Variants in CRYBG1 observed in about 807,000 individuals in gnomAD.
The protein encoded by CRYBG1 is crystallin beta-gamma domain containing 1.
Under a neutral mutation model 189.2 loss-of-function variants are expected in CRYBG1, and 139 were observed. That is an observed-to-expected ratio of 0.73 (90% CI 0.64 to 0.85). The LOEUF (loss-of-function observed/expected upper bound fraction) is 0.85. Ranked by LOEUF, CRYBG1 falls within the 40% of genes least tolerant of loss-of-function variation. CRYBG1 has a pLI of 0.00. For missense variants in CRYBG1, 2,611 were observed against 2,675.8 expected, an observed-to-expected ratio of 0.98 and a Z score of 0.53; for synonymous variants, 1,023 against 1,017.1, an observed-to-expected ratio of 1.01 and a Z score of -0.11.
chr6:106,556,007 T>C, intron 17 of CRYBG1, 110 bp downstream of exon 17: 1 of 1,241,636 alleles, frequency 8.1e-7, no homozygotes, highest in Admixed American at 1.8e-5. Flanking sequence ...GTTAAGGGCT[T>C]GGAGATGGAA....
Position 106,567,645 on chromosome 6 carries a change from A to AG in CRYBG1, c.6302-825dup, listed in dbSNP as rs1774929559. Reference sequence around the variant, plus strand: ...TGGTGCTGAGGTTTATGCTAAAAAAAGGATAAGCCATCTGAAGGGATCTTT... The same window carrying AG: ...TGGTGCTGAGGTTTATGCTAAAAAAAGGGATAAGCCATCTGAAGGGATCTTT... On this transcript the variant is annotated intron_variant, in intron 21 of 21. Transcript: ENST00000633556. Among the ~76,000 whole-genome samples the AG allele has an allele frequency of 2.6e-5, 4 of 152,208 alleles. No homozygotes were observed. In the South Asian group the frequency reaches 8.3e-4, roughly 32 times the overall value.
chr6:106,389,174 T>A (rs925442586), intron 1 of CRYBG1, among the ~76,000 whole-genome samples: 4 of 152,186 alleles, frequency 2.6e-5, no homozygotes, highest in Non-Finnish European at 4.4e-5. Context: ...AAAAATTGCT[T>A]TTTGTTATAT....
intron 2 of CRYBG1, among the ~76,000 whole-genome samples, chr6:106,455,433 A>G (rs1335125742): frequency 6.6e-6 from 1 of 151,768 alleles, no homozygotes; most frequent in African/African-American, 2.4e-5. Context: ...TGATTCCACT[A>G]TGAGGAGGTA....
intron 1 of CRYBG1, among the ~76,000 whole-genome samples, chr6:106,378,828 CT>C (rs1485913427): frequency 6.6e-6 from 1 of 152,042 alleles, no homozygotes; most frequent in East Asian, 1.9e-4. Flanking sequence ...TTCTTCTTCC[CT>C]TTTTTTAAAA....
At chr6:106,406,392 C>T (rs11152981) in intron 1 of CRYBG1, among the ~76,000 whole-genome samples, 12,308 of 152,160 alleles carry the variant, frequency 0.081, 640 homozygotes, top group East Asian at 0.15. Context: ...AAAGACCATA[C>T]GTACATTTGA....
intron 3 of CRYBG1, among the ~76,000 whole-genome samples, chr6:106,517,006 CTTTTTTTTTTTT>C (rs5878896): frequency 9.4e-6 from 1 of 106,666 alleles, no homozygotes; most frequent in Non-Finnish European, 1.9e-5. Context: ...ATGGTTTAGA[CTTTTTTTTTTTT>C]TTTTTTTTTG....
chr6:106,483,271 T>G (rs1037408491), intron 2 of CRYBG1, among the ~76,000 whole-genome samples: 1 of 151,680 alleles, frequency 6.6e-6, no homozygotes, highest in Non-Finnish European at 1.5e-5. Context: ...CTTGGCTTAT[T>G]TCACTTAATA....
Position 106,521,048 on chromosome 6 carries a change from GTCTT to G in CRYBG1, c.3841_3844del (p.Ser1281GlnfsTer15). 1 of 1,614,164 alleles carries G rather than the reference GTCTT, an allele frequency of 6.2e-7. No homozygotes were observed. Among genetic ancestry groups the G allele is most frequent in the Non-Finnish European group, 8.5e-7 (1 of 1,180,038 alleles). ...CTTCTCAGAACGGTTCCCTATCTCA[GTCTT>G]CAGTGTCACAGCCCACGACTGAGGG... On this transcript the variant is annotated frameshift_variant, in exon 4 of 22. Transcript: ENST00000633556. LOFTEE classifies it high-confidence loss of function.
rs781743713 is a variant in CRYBG1, at chr6:106,530,234, G to A, written c.4637G>A (p.Ser1546Asn). The A allele has an allele frequency of 6.2e-6, 10 of 1,613,458 alleles. No individual in the cohort carries two copies. In the Admixed American group the frequency reaches 1.0e-4, roughly 16 times the overall value. ...GAACCAGAAGGGTTAGGAATCCTAA[G>A]TTCCTACTTTGATGATACTGAAGAA... ...FTEPEGLGIL[S>N]SYFDDTEEMQ... is the part of the protein sequence containing the mutation. The change falls in exon 8 of 22, where the codon AGT (serine) becomes AAT (asparagine). Residue 1546 changes from serine to asparagine, a missense_variant. By Grantham distance (46) the Ser-to-Asn change is conservative (BLOSUM62 1). Around this residue, in one of 3 missense-constraint regions of CRYBG1, gnomAD observed 1,622 missense variants for 1,735.0 expected, o/e 0.93. Transcript: ENST00000633556.
chr6:106,382,888 C>A (rs1770312517), intron 1 of CRYBG1, among the ~76,000 whole-genome samples: 1 of 152,126 alleles, frequency 6.6e-6, no homozygotes, highest in African/African-American at 2.4e-5. Flanking sequence ...TTGAGTTAGA[C>A]ACATTGCAAA....
At chr6:106,482,381 A>G (rs1301492935) in intron 2 of CRYBG1, among the ~76,000 whole-genome samples, 4 of 117,258 alleles carry the variant, frequency 3.4e-5, no homozygotes, top group Non-Finnish European at 7.0e-5. Flanking sequence ...GTGGAATGTA[A>G]TCTGATTATG....
intron 1 of CRYBG1, among the ~76,000 whole-genome samples, chr6:106,417,766 G>A (rs1771052558): frequency 6.6e-6 from 1 of 152,258 alleles, no homozygotes; most frequent in African/African-American, 2.4e-5. Context: ...GCCAACACAG[G>A]AGTAAGCTCC....
chr6:106,442,357 C>G (rs752085415), intron 1 of CRYBG1, among the ~76,000 whole-genome samples: 32 of 152,058 alleles, frequency 2.1e-4, no homozygotes, highest in Non-Finnish European at 3.8e-4. Context: ...TTAGGGACCC[C>G]AGAGTTTAAG....
intron 1 of CRYBG1, among the ~76,000 whole-genome samples, chr6:106,430,746 C>T (rs912686259): frequency 2.0e-5 from 3 of 152,008 alleles, no homozygotes; most frequent in African/African-American, 4.8e-5. Context: ...CTCCATGGGG[C>T]GTCTGTAGCC....
intron 1 of CRYBG1, 31 bp downstream of exon 1, chr6:106,361,112 A>ACCT (rs748504502): frequency 2.4e-5 from 36 of 1,523,648 alleles, no homozygotes; most frequent in Admixed American, 1.2e-4. Context: ...CTCCAGTCCC[A>ACCT]CCTCCTCCTC....
chr6:106,413,134 C>T (rs2114374862), intron 1 of CRYBG1, among the ~76,000 whole-genome samples: 1 of 152,202 alleles, frequency 6.6e-6, no homozygotes, highest in South Asian at 2.1e-4. Context: ...CTGTAGTCTT[C>T]CATCACCCCC....
At chr6:106,392,509 A>G (rs1257812296) in intron 1 of CRYBG1, among the ~76,000 whole-genome samples, 3 of 152,198 alleles carry the variant, frequency 2.0e-5, no homozygotes, top group Non-Finnish European at 4.4e-5. Flanking sequence ...AGGAAGGGAA[A>G]AGGACAGTGC....
intron 1 of CRYBG1, among the ~76,000 whole-genome samples, chr6:106,378,809 C>CTGT (rs1297902831): frequency 6.6e-6 from 1 of 152,138 alleles, no homozygotes; most frequent in African/African-American, 2.4e-5. Context: ...CCTCCTCCTC[C>CTGT]TGTTGTTCTT....
chr6:106,366,627 C>A (rs1001016142), intron 1 of CRYBG1, among the ~76,000 whole-genome samples: 1 of 152,150 alleles, frequency 6.6e-6, no homozygotes, highest in Admixed American at 6.5e-5. Flanking sequence ...TCTGCCTCTG[C>A]CATTGGGATA....
Sources: allele counts gnomAD v4.1 joint callset (sites outside exome capture counted in the v4.1 genomes callset), GRCh38; gene constraint gnomAD v4.1.1; regional missense constraint gnomAD v4.1.1; transcripts MANE v1.5; gene names NCBI Gene and HGNC (gene_info 2026-07-23, HGNC 2026-07-21).